KCNIP1: variants seen among roughly 807,000 people sequenced by gnomAD.
The protein encoded by KCNIP1 is potassium voltage-gated channel interacting protein 1, also known as A-type potassium channel modulatory protein KCNIP1.
KCNIP1 carries 18 observed loss-of-function variants against 33.0 expected under a neutral mutation model. That is an observed-to-expected ratio of 0.55 (90% CI 0.38 to 0.81). The LOEUF (loss-of-function observed/expected upper bound fraction) is 0.81. Among genes scored for constraint, KCNIP1 ranks in the 30% least tolerant of loss-of-function variants. KCNIP1 has a pLI of 0.00. For synonymous variants in KCNIP1, 93 were observed against 98.3 expected, an observed-to-expected ratio of 0.95 and a Z score of 0.32; for missense variants, 238 against 271.6, an observed-to-expected ratio of 0.88 and a Z score of 0.87.
chr5:170,706,118 A>C (rs1470060882), intron 1 of KCNIP1, among the ~76,000 whole-genome samples: 1 of 152,220 alleles, frequency 6.6e-6, no homozygotes, highest in African/African-American at 2.4e-5. Context: ...CGAATCCAGC[A>C]AAAGCTCACA....
chr5:170,711,749 A>G (rs1362814896), intron 1 of KCNIP1, among the ~76,000 whole-genome samples: 1 of 152,234 alleles, frequency 6.6e-6, no homozygotes, highest in Non-Finnish European at 1.5e-5. Context: ...ATAAATAAAT[A>G]CAAATGCCAC....
chr5:170,397,790 T>C (rs1045750769), intron 1 of KCNIP1, among the ~76,000 whole-genome samples: 4 of 152,150 alleles, frequency 2.6e-5, no homozygotes, highest in Non-Finnish European at 5.9e-5. Context: ...CCCAAGGTGG[T>C]CAGGGCACAT....
chr5:170,455,367 T>C (rs1436742661), intron 1 of KCNIP1, among the ~76,000 whole-genome samples: 1 of 151,996 alleles, frequency 6.6e-6, no homozygotes, highest in Non-Finnish European at 1.5e-5. Flanking sequence ...TTCAACAGGA[T>C]CTTACTCTGT....
intron 1 of KCNIP1, among the ~76,000 whole-genome samples, chr5:170,544,777 G>A (rs968851019): frequency 6.6e-6 from 1 of 151,970 alleles, no homozygotes; most frequent in Non-Finnish European, 1.5e-5. Context: ...GTATTTTTAA[G>A]TTAAGACTTT....
At chr5:170,381,547 C>A (rs554204955) in intron 1 of KCNIP1, among the ~76,000 whole-genome samples, 1 of 152,310 alleles carries the variant, frequency 6.6e-6, no homozygotes, top group African/African-American at 2.4e-5. Flanking sequence ...AGCCCACAAC[C>A]CAGCTGCTTG....
At chr5:170,390,854 A>C (rs986281609) in intron 1 of KCNIP1, among the ~76,000 whole-genome samples, 6 of 151,988 alleles carry the variant, frequency 3.9e-5, no homozygotes, top group Admixed American at 1.3e-4. Flanking sequence ...CCCAGCCCCC[A>C]GGGAGGTGGG....
At chr5:170,677,839 G>C (rs112076641) in intron 1 of KCNIP1, among the ~76,000 whole-genome samples, 3 of 152,018 alleles carry the variant, frequency 2.0e-5, no homozygotes. Flanking sequence ...AAAAAAAAAT[G>C]CCTGTCAGTA....
At chr5:170,381,713 C>T (rs1028874904) in intron 1 of KCNIP1, among the ~76,000 whole-genome samples, 1 of 152,242 alleles carries the variant, frequency 6.6e-6, no homozygotes, top group African/African-American at 2.4e-5. Flanking sequence ...TCAGGGGATG[C>T]TCCTCTGAGC....
chr5:170,672,956 T>C (rs1761980677), intron 1 of KCNIP1, among the ~76,000 whole-genome samples: 1 of 152,264 alleles, frequency 6.6e-6, no homozygotes, highest in Non-Finnish European at 1.5e-5. Context: ...AGAGGTTGTT[T>C]TCAGAATCTA....
chr5:170,412,333 A>C (rs1755216836), intron 1 of KCNIP1, among the ~76,000 whole-genome samples: 1 of 152,166 alleles, frequency 6.6e-6, no homozygotes, highest in East Asian at 1.9e-4. Flanking sequence ...GGGTGACAGA[A>C]GGAGGAAGCC....
rs1581492017 is a variant in KCNIP1, at chr5:170,681,127, G to A, written c.62-37631G>A. The A allele has an allele frequency of 1.5e-5, 6 of 399,232 alleles. No individual in the cohort carries two copies. In the East Asian group the frequency reaches 1.8e-4, roughly 12 times the overall value. 24.7% of individuals were successfully genotyped at this position (399,232 alleles called of 1,614,324 possible). A position where few individuals can be genotyped will look rare whatever the true frequency, so the allele number is the denominator to read the frequency against. Reference sequence around the variant, plus strand: ...ACACTGGGAATAGTGGTGGTCGTGTGCTCCTCCCTGAAACTTTTGCACTAC... The same window carrying A: ...ACACTGGGAATAGTGGTGGTCGTGTACTCCTCCCTGAAACTTTTGCACTAC... On this transcript the variant is annotated intron_variant, in intron 1 of 7. Coordinates refer to ENST00000328939, the MANE Select transcript of KCNIP1 (RefSeq NM_014592.4).
At chr5:170,363,167 G>C (rs1763560561) in intron 1 of KCNIP1, among the ~76,000 whole-genome samples, 1 of 152,182 alleles carries the variant, frequency 6.6e-6, no homozygotes, top group South Asian at 2.1e-4. Flanking sequence ...GCTTTGAGAG[G>C]CTGAATAACT....
intron 1 of KCNIP1, among the ~76,000 whole-genome samples, chr5:170,700,268 T>C (rs973437490): frequency 6.6e-6 from 1 of 151,932 alleles, no homozygotes; most frequent in South Asian, 2.1e-4. Context: ...AGCCTTGCGG[T>C]TATGTTTAGT....
chr5:170,475,135 A>C (rs1015526679), intron 1 of KCNIP1, among the ~76,000 whole-genome samples: 3 of 151,968 alleles, frequency 2.0e-5, no homozygotes, highest in Admixed American at 6.6e-5. Context: ...CATTTCACAA[A>C]CCTCTAGCTA....
intron 1 of KCNIP1, among the ~76,000 whole-genome samples, chr5:170,469,967 G>C (rs888036690): frequency 6.6e-6 from 1 of 152,132 alleles, no homozygotes; most frequent in Non-Finnish European, 1.5e-5. Flanking sequence ...AGAGGTTCAC[G>C]TATTTCCTGG....
intron 1 of KCNIP1, chr5:170,561,245 G>T: frequency 2.6e-6 from 1 of 390,904 alleles, no homozygotes; most frequent in East Asian, 7.4e-5. Flanking sequence ...TGCTTGGCTG[G>T]CCCCTGCATC....
intron 1 of KCNIP1, among the ~76,000 whole-genome samples, chr5:170,399,366 A>G (rs1754837544): frequency 6.6e-6 from 1 of 152,216 alleles, no homozygotes; most frequent in Admixed American, 6.5e-5. Context: ...CTGCCTGCTC[A>G]CTTCAATATG....
intron 1 of KCNIP1, among the ~76,000 whole-genome samples, chr5:170,588,204 G>T (rs780138392): frequency 6.6e-6 from 1 of 152,182 alleles, no homozygotes; most frequent in African/African-American, 2.4e-5. Flanking sequence ...CACTTTCTCG[G>T]ATGGACAATT....
chr5:170,520,664 G>T (rs1755331696), intron 1 of KCNIP1, among the ~76,000 whole-genome samples: 1 of 152,174 alleles, frequency 6.6e-6, no homozygotes, highest in South Asian at 2.1e-4. Flanking sequence ...AAACATTTTG[G>T]TGTTTGCTTT....
Sources: gnomAD v4.1 joint callset for allele counts (sites outside exome capture counted in the v4.1 genomes callset) on GRCh38, gnomAD v4.1.1 for gene constraint, MANE v1.5 for transcripts, NCBI Gene and HGNC (gene_info 2026-07-23, HGNC 2026-07-21) for gene names.